The following IL1RAPL2 variants were observed in gnomAD, a reference collection of about 807,000 sequenced individuals.
IL1RAPL2 encodes interleukin 1 receptor accessory protein like 2.
IL1RAPL2 carries 3 observed loss-of-function variants against 44.1 expected under a neutral mutation model. The observed-to-expected ratio is 0.07, with a 90% CI of 0.03 to 0.18. The LOEUF (loss-of-function observed/expected upper bound fraction) is 0.18. Among genes scored for constraint, IL1RAPL2 ranks in the 10% least tolerant of loss-of-function variants. The pLI is 1.00. For missense variants in IL1RAPL2, 391 were observed against 496.4 expected (o/e 0.79, Z 2.02); for synonymous variants, 181 against 178.8 (o/e 1.01, Z -0.10).
chrX:104,625,150 C>T (rs1329928342), intron 1 of IL1RAPL2, among the ~76,000 whole-genome samples: 2 of 111,653 alleles, frequency 1.8e-5, no homozygotes, highest in African/African-American at 6.5e-5. Flanking sequence ...AACTGACGTG[C>T]AACATCATAC....
At chrX:105,504,118 C>T (rs897853354) in intron 6 of IL1RAPL2, among the ~76,000 whole-genome samples, 3 of 111,744 alleles carry the variant, frequency 2.7e-5, no homozygotes, top group Non-Finnish European at 5.7e-5. Context: ...GAAGTAAAAC[C>T]TTCAGTCTCA....
chrX:105,254,777 G>A (rs907793648), intron 4 of IL1RAPL2, among the ~76,000 whole-genome samples: 1 of 112,074 alleles, frequency 8.9e-6, no homozygotes, highest in Admixed American at 9.5e-5. Context: ...CATATGACTA[G>A]CCAGTTGTCC....
At chrX:105,549,637 C>T (rs781438012) in intron 6 of IL1RAPL2, among the ~76,000 whole-genome samples, 6 of 111,680 alleles carry the variant, frequency 5.4e-5, no homozygotes, top group African/African-American at 2.0e-4. Flanking sequence ...CATATATACT[C>T]TAGAACTCCA....
chrX:105,539,696 C>G (rs1245396439), intron 6 of IL1RAPL2, among the ~76,000 whole-genome samples: 1 of 111,389 alleles, frequency 9.0e-6, no homozygotes, highest in African/African-American at 3.3e-5. Context: ...AACTAAAGAG[C>G]TCTGCACAGC....
chrX:104,604,963 CA>C (rs978958541), intron 1 of IL1RAPL2, among the ~76,000 whole-genome samples: 1 of 111,340 alleles, frequency 9.0e-6, no homozygotes, highest in Non-Finnish European at 1.9e-5. Context: ...CTGGACCAAG[CA>C]GACCTAATAG....
chrX:105,429,591 G>C (rs182675280), intron 5 of IL1RAPL2, among the ~76,000 whole-genome samples: 4 of 111,924 alleles, frequency 3.6e-5, no homozygotes, highest in Admixed American at 9.5e-5. Flanking sequence ...GTTGACCACA[G>C]ACTATGTTTG....
intron 5 of IL1RAPL2, among the ~76,000 whole-genome samples, chrX:105,292,432 T>C (rs1447710695): frequency 1.8e-5 from 2 of 112,122 alleles, no homozygotes; most frequent in African/African-American, 3.2e-5. Context: ...TCCACACTTT[T>C]TTGAAAAGGC....
At chrX:104,637,344 C>A (rs921965849) in intron 1 of IL1RAPL2, among the ~76,000 whole-genome samples, 6 of 111,457 alleles carry the variant, frequency 5.4e-5, no homozygotes, top group Non-Finnish European at 7.5e-5. Flanking sequence ...CTGGCTAGTA[C>A]TTCCAGTACC....
chrX:104,750,748 ACTC>A lies in IL1RAPL2; in HGVS notation c.82+91755_82+91757del, dbSNP rs745800101. On this transcript the variant is annotated intron_variant, in intron 2 of 10. Coordinates refer to ENST00000372582, the MANE Select transcript of IL1RAPL2 (RefSeq NM_017416.2). ...TTAATCTCTTGAACTTCACATGAAA[ACTC>A]CATCTGGCACTGTAATCTTGTGACA... Among the ~76,000 whole-genome samples, 6 of 109,635 alleles carry A rather than the reference ACTC, an allele frequency of 5.5e-5. No homozygotes were observed. The South Asian group carries it at 2.3e-3, about 43-fold the overall frequency.
chrX:105,252,693 G>T (rs1422330544), intron 4 of IL1RAPL2, among the ~76,000 whole-genome samples: 1 of 111,525 alleles, frequency 9.0e-6, no homozygotes, highest in Non-Finnish European at 1.9e-5. Flanking sequence ...ACTTCTTAGT[G>T]AACTCTAATG....
In IL1RAPL2 at chrX:105,286,165, A is replaced by G. The variant is rs7049699; in HGVS notation, c.697+18624A>G. ...TAACTCCAGCAGTCTCCCTTGCTTG[A>G]AAGGAAATACGATGGAATGAAAAGG... On this transcript the variant is annotated intron_variant, in intron 5 of 10. Transcript: ENST00000372582. 4.3e-3 allele frequency among the ~76,000 whole-genome samples: 480 copies of G among 111,423 alleles called. 4 individuals are homozygous for G. Among genetic ancestry groups the G allele is most frequent in the African/African-American group, 0.015 (455 of 30,707 alleles).
At chrX:105,057,369 CAT>C (rs1280813299) in intron 2 of IL1RAPL2, among the ~76,000 whole-genome samples, 4 of 111,672 alleles carry the variant, frequency 3.6e-5, no homozygotes, top group East Asian at 5.6e-4. Context: ...TGAACAGTGA[CAT>C]GTGTATGTTT....
intron 2 of IL1RAPL2, among the ~76,000 whole-genome samples, chrX:104,684,734 T>C (rs1426215370): frequency 1.8e-5 from 2 of 112,272 alleles, no homozygotes; most frequent in African/African-American, 6.5e-5. Flanking sequence ...CAGAAGTGGG[T>C]GTGTAGGCAT....
At chrX:104,886,406 T>C (rs1265356776) in intron 2 of IL1RAPL2, among the ~76,000 whole-genome samples, 1 of 111,830 alleles carries the variant, frequency 8.9e-6, no homozygotes, top group Non-Finnish European at 1.9e-5. Context: ...ACCCCACCAC[T>C]TTTCCTTATC....
intron 2 of IL1RAPL2, among the ~76,000 whole-genome samples, chrX:104,766,443 C>T (rs1252767011): frequency 9.0e-6 from 1 of 111,167 alleles, no homozygotes; most frequent in East Asian, 2.8e-4. Flanking sequence ...CCCTCCCTCT[C>T]TTCTTCCTTT....
Position 105,667,856 on chromosome X carries a change from T to C in IL1RAPL2, c.773-49511T>C, listed in dbSNP as rs751763741. ...CTCTGACTATTAAAATACTATGATA[T>C]TGATTAAAGGATGAGTCAATACAAG... On this transcript the variant is annotated intron_variant, in intron 6 of 10. Transcript: ENST00000372582. 8.1e-5 allele frequency among the ~76,000 whole-genome samples: 9 copies of C among 111,279 alleles called. 1 individual carries two copies. The South Asian group carries it at 1.9e-3, about 24-fold the overall frequency.
chrX:104,760,207 A>G (rs1321919162), intron 2 of IL1RAPL2, among the ~76,000 whole-genome samples: 1 of 112,069 alleles, frequency 8.9e-6, no homozygotes, highest in Non-Finnish European at 1.9e-5. Context: ...ATCCCTTCCA[A>G]ATATTAGCTA....
intron 6 of IL1RAPL2, among the ~76,000 whole-genome samples, chrX:105,664,148 A>G (rs2037740145): frequency 8.9e-6 from 1 of 112,240 alleles, no homozygotes; most frequent in African/African-American, 3.2e-5. Flanking sequence ...ATGTCAAGAT[A>G]ACAGGAGAAG....
intron 6 of IL1RAPL2, among the ~76,000 whole-genome samples, chrX:105,658,240 G>C (rs1227760457): frequency 9.0e-6 from 1 of 111,117 alleles, no homozygotes; most frequent in Non-Finnish European, 1.9e-5. Flanking sequence ...ATTTGTTTAG[G>C]GGAAAGTAAG....
Sources: allele counts gnomAD v4.1 joint callset (sites outside exome capture counted in the v4.1 genomes callset), GRCh38; gene constraint gnomAD v4.1.1; transcripts MANE v1.5; gene names NCBI Gene and HGNC (gene_info 2026-07-23, HGNC 2026-07-21).